OPRM1: variants seen among roughly 807,000 people sequenced by gnomAD.
OPRM1 encodes mu-type opioid receptor.
OPRM1 carries 27 observed loss-of-function variants against 31.8 expected under a neutral mutation model. That is an observed-to-expected ratio of 0.85 (90% CI 0.63 to 1.17). The LOEUF is 1.17. Ranked by LOEUF, OPRM1 falls within the 50% of genes most tolerant of loss-of-function variation. The probability of loss-of-function intolerance (pLI) is 0.00; values close to 1 mark genes in which losing one functional copy is unlikely to be tolerated. For missense variants in OPRM1, 536 were observed against 511.1 expected, an observed-to-expected ratio of 1.05 and a Z score of -0.47; for synonymous variants, 196 against 189.9, an observed-to-expected ratio of 1.03 and a Z score of -0.26.
intron 1 of OPRM1, among the ~76,000 whole-genome samples, chr6:154,050,193 C>G (rs543482824): frequency 2.9e-4 from 44 of 152,228 alleles, no homozygotes; most frequent in Non-Finnish European, 4.4e-5. Flanking sequence ...TGTTATTGAT[C>G]TATTCAGCTT....
At chr6:154,057,488 C>A (rs1783541886) in intron 1 of OPRM1, among the ~76,000 whole-genome samples, 1 of 152,172 alleles carries the variant, frequency 6.6e-6, no homozygotes. Flanking sequence ...TATTCCATCA[C>A]CAAGCCCATC....
chr6:154,192,665 G>GAA (rs59125446), intron 3 of OPRM1, among the ~76,000 whole-genome samples: 7 of 147,290 alleles, frequency 4.8e-5, no homozygotes, highest in South Asian at 2.1e-4. Flanking sequence ...AAATTAGGAA[G>GAA]AAAAAAAAAT....
At chr6:154,062,567 G>GA (rs900888877) in intron 1 of OPRM1, among the ~76,000 whole-genome samples, 6 of 150,908 alleles carry the variant, frequency 4.0e-5, no homozygotes, top group African/African-American at 9.7e-5. Context: ...CTCTCTGACT[G>GA]AAAAAAAAAT....
intron 3 of OPRM1, chr6:154,219,291 T>C (rs1332079239): frequency 2.0e-5 from 3 of 151,922 alleles, no homozygotes; most frequent in Non-Finnish European, 4.4e-5. Flanking sequence ...ATTGTTTCTC[T>C]GCTACTCTGT....
chr6:154,100,884 A>T (rs1289495251), intron 3 of OPRM1, among the ~76,000 whole-genome samples: 2 of 148,632 alleles, frequency 1.3e-5, no homozygotes, highest in Non-Finnish European at 3.0e-5. Flanking sequence ...TATAAATATA[A>T]ATATATATGT....
At position 154,095,278 on chromosome 6, in the gene OPRM1, C is replaced by T. The variant is rs745761562; in HGVS notation, c.1164+3806C>T. On this transcript the variant is annotated intron_variant, in intron 3 of 3. Coordinates refer to ENST00000330432, the MANE Select transcript of OPRM1 (RefSeq NM_000914.5). Reference sequence around the variant, plus strand: ...TGCACTCCAGCCTGGGCAACAAGAACGAAACTCCATCTCAAAAGAAAGAAA... The same window carrying T: ...TGCACTCCAGCCTGGGCAACAAGAATGAAACTCCATCTCAAAAGAAAGAAA... Among the ~76,000 whole-genome samples, 8 of 152,004 alleles carry T rather than the reference C, an allele frequency of 5.3e-5. 1 individual carries two copies. Among genetic ancestry groups the T allele is most frequent in the South Asian group, 4.1e-4 (2 of 4,824 alleles).
At chr6:154,172,007 G>T (rs1180005344) in intron 3 of OPRM1, among the ~76,000 whole-genome samples, 1 of 152,102 alleles carries the variant, frequency 6.6e-6, no homozygotes, top group Non-Finnish European at 1.5e-5. Flanking sequence ...AAGATAAATA[G>T]AATGGTTTCT....
chr6:154,042,331 A>C (rs372182423), intron 1 of OPRM1, among the ~76,000 whole-genome samples: 21 of 152,336 alleles, frequency 1.4e-4, no homozygotes, highest in African/African-American at 5.1e-4. Context: ...CAAAATGATC[A>C]GTTCAGGGAT....
At chr6:154,062,058 A>C (rs1784535881) in intron 1 of OPRM1, among the ~76,000 whole-genome samples, 1 of 152,198 alleles carries the variant, frequency 6.6e-6, no homozygotes, top group African/African-American at 2.4e-5. Context: ...TAAATATAAC[A>C]AAATGTTCCC....
chr6:154,179,612 C>G (rs975146496), intron 3 of OPRM1, among the ~76,000 whole-genome samples: 4 of 152,216 alleles, frequency 2.6e-5, no homozygotes, highest in Non-Finnish European at 5.9e-5. Flanking sequence ...CTACATAAAA[C>G]AGCAGGACTT....
In OPRM1 at chr6:154,090,008, T is replaced by TCTG. The variant is rs752329281; in HGVS notation, c.474_475insTGC (p.Phe158_Thr159insCys). On this transcript the variant is annotated inframe_insertion, in exon 2 of 4. Transcript: ENST00000330432. ...TACTATAACATGTTCACCAGCATATTCACCCTCTGCACCATGAGTGTTGAT... is the reference window on the plus strand; with the variant it reads ...TACTATAACATGTTCACCAGCATATTCTGCACCCTCTGCACCATGAGTGTTGAT... 24 of 1,614,066 alleles carry TCTG rather than the reference T, an allele frequency of 1.5e-5. No individual in the cohort carries two copies. In the Admixed American group the frequency reaches 4.0e-4, roughly 27 times the overall value.
intron 3 of OPRM1, among the ~76,000 whole-genome samples, chr6:154,166,156 G>C (rs1240718385): frequency 3.9e-5 from 6 of 152,218 alleles, no homozygotes. Context: ...TAAGCTTTGG[G>C]ATAATTTGTT....
chr6:154,215,439 A>G (rs1778316046), intron 3 of OPRM1, among the ~76,000 whole-genome samples: 1 of 151,990 alleles, frequency 6.6e-6, no homozygotes, highest in Admixed American at 6.6e-5. Context: ...CCCCGTCACT[A>G]CTTAAAAAAA....
At chr6:154,184,038 C>T (rs769870845) in intron 3 of OPRM1, among the ~76,000 whole-genome samples, 3 of 152,138 alleles carry the variant, frequency 2.0e-5, no homozygotes, top group South Asian at 2.1e-4. Flanking sequence ...GCTGCATATT[C>T]GATCCCCTGA....
chr6:154,143,418 A>C (rs1010217900), intron 3 of OPRM1, among the ~76,000 whole-genome samples: 4 of 152,226 alleles, frequency 2.6e-5, no homozygotes, highest in African/African-American at 9.6e-5. Context: ...ATTTATTAAA[A>C]TTATTGGTCA....
intron 1 of OPRM1, among the ~76,000 whole-genome samples, chr6:154,056,815 T>C (rs1583273878): frequency 6.6e-6 from 1 of 152,166 alleles, no homozygotes; most frequent in East Asian, 1.9e-4. Flanking sequence ...AGCCTCATTG[T>C]GCCTGCCAAG....
chr6:154,066,525 CA>C (rs138196011), intron 1 of OPRM1, among the ~76,000 whole-genome samples: 3,014 of 151,598 alleles, frequency 0.02, 117 homozygotes, highest in African/African-American at 0.066. Context: ...CCATCCCCCC[CA>C]AAAAAAATCA....
At chr6:154,088,577 G>T (rs1460156864) in intron 1 of OPRM1, among the ~76,000 whole-genome samples, 1 of 152,100 alleles carries the variant, frequency 6.6e-6, no homozygotes, top group Admixed American at 6.6e-5. Context: ...GGTCCAATTG[G>T]GTCTACACAC....
intron 1 of OPRM1, among the ~76,000 whole-genome samples, chr6:154,078,383 G>T (rs1375569354): frequency 1.3e-5 from 2 of 152,030 alleles, no homozygotes; most frequent in East Asian, 1.9e-4. Context: ...TATACTGCAG[G>T]TCTGTTACCC....
Sources: allele counts gnomAD v4.1 joint callset (sites outside exome capture counted in the v4.1 genomes callset), GRCh38; gene constraint gnomAD v4.1.1; transcripts MANE v1.5; gene names NCBI Gene and HGNC (gene_info 2026-07-23, HGNC 2026-07-21).